The following RBFOX1 variants were observed in gnomAD, a reference collection of about 807,000 sequenced individuals.
RBFOX1 encodes the protein RNA binding protein fox-1 homolog 1.
RBFOX1 carries 8 observed loss-of-function variants against 57.7 expected under a neutral mutation model. The ratio of observed to expected loss-of-function variants is 0.14; its 90% CI spans 0.08 to 0.25. RBFOX1 has a LOEUF of 0.25. Among genes scored for constraint, RBFOX1 ranks in the 10% least tolerant of loss-of-function variants. RBFOX1 has a pLI of 1.00. For missense variants in RBFOX1, 611 were observed against 548.5 expected, an observed-to-expected ratio of 1.11 and a Z score of -1.14; for synonymous variants, 326 against 222.4, an observed-to-expected ratio of 1.47 and a Z score of -4.15.
At chr16:6,017,685 T>C (rs1199964021), upstream of RBFOX1, among the ~76,000 whole-genome samples, 1 of 152,196 alleles carries the variant, frequency 6.6e-6, no homozygotes, top group Non-Finnish European at 1.5e-5. Context: ...TTGCGTGCTT[T>C]AAAAAGTAAT....
chr16:5,308,597 A>G (rs2063999840), intron 1 of RBFOX1, among the ~76,000 whole-genome samples: 1 of 152,274 alleles, frequency 6.6e-6, no homozygotes, highest in East Asian at 1.9e-4. Flanking sequence ...TATTTTGACT[A>G]TATTTAGTAA....
At chr16:6,898,434 G>A (rs1198068656) in intron 3 of RBFOX1, among the ~76,000 whole-genome samples, 1 of 152,166 alleles carries the variant, frequency 6.6e-6, no homozygotes, top group Non-Finnish European at 1.5e-5. Context: ...GGCTGTGGTA[G>A]TAAGCATTTG....
intron 3 of RBFOX1, among the ~76,000 whole-genome samples, chr16:7,034,991 G>A (rs1381161439): frequency 6.6e-6 from 1 of 150,484 alleles, no homozygotes; most frequent in Non-Finnish European, 1.5e-5. Flanking sequence ...GGGCCTACAG[G>A]TGCCCACCAC....
intron 4 of RBFOX1, among the ~76,000 whole-genome samples, chr16:7,402,073 T>G (rs2098253407): frequency 6.6e-6 from 1 of 152,212 alleles, no homozygotes; most frequent in African/African-American, 2.4e-5. Flanking sequence ...GTCATGTTCC[T>G]CAGAGTCAGA....
chr16:5,740,755 C>T (rs1348032531), intron 3 of RBFOX1, among the ~76,000 whole-genome samples: 7 of 152,284 alleles, frequency 4.6e-5, no homozygotes, highest in African/African-American at 1.7e-4. Context: ...CTCTAATCCA[C>T]ATGCTTTCAA....
chr16:6,790,053 A>G (rs546596383), intron 3 of RBFOX1, among the ~76,000 whole-genome samples: 1 of 148,904 alleles, frequency 6.7e-6, no homozygotes, highest in African/African-American at 2.4e-5. Context: ...AATTTTTGAG[A>G]TGGAGATTTA....
chr16:6,459,292 C>T (rs754910623), intron 2 of RBFOX1, among the ~76,000 whole-genome samples: 8 of 152,120 alleles, frequency 5.3e-5, no homozygotes, highest in Non-Finnish European at 1.0e-4. Context: ...GCCGAGATGG[C>T]GCCACTGCAC....
chr16:6,442,108 T>C (rs1218058294), intron 2 of RBFOX1, among the ~76,000 whole-genome samples: 1 of 152,136 alleles, frequency 6.6e-6, no homozygotes, highest in African/African-American at 2.4e-5. Flanking sequence ...TGCCGGGTGA[T>C]AGAAAGGGTC....
chr16:6,231,208 G>A (rs1417200361), intron 1 of RBFOX1, among the ~76,000 whole-genome samples: 2 of 119,238 alleles, frequency 1.7e-5, no homozygotes, highest in Admixed American at 9.4e-5. Flanking sequence ...GTGTGTGTGT[G>A]TATGTGTTTG....
chr16:5,372,716 G>C (rs1218928208), intron 1 of RBFOX1, among the ~76,000 whole-genome samples: 3 of 152,148 alleles, frequency 2.0e-5, no homozygotes, highest in East Asian at 3.9e-4. Context: ...ATATCTATGT[G>C]GTTGGTTTCC....
intron 4 of RBFOX1, among the ~76,000 whole-genome samples, chr16:7,414,588 T>A (rs2098461210): frequency 6.6e-6 from 1 of 152,168 alleles, no homozygotes; most frequent in South Asian, 2.1e-4. Context: ...CCAAACACAA[T>A]GTTTTTCAAA....
At chr16:5,857,316 C>G (rs572965221) in intron 3 of RBFOX1, among the ~76,000 whole-genome samples, 3 of 152,058 alleles carry the variant, frequency 2.0e-5, no homozygotes, top group Non-Finnish European at 4.4e-5. Flanking sequence ...TCACTGATCA[C>G]AGATAACTGT....
At chr16:7,146,651 G>A (rs142126126) in intron 4 of RBFOX1, among the ~76,000 whole-genome samples, 19 of 152,104 alleles carry the variant, frequency 1.2e-4, no homozygotes, top group African/African-American at 3.6e-4. Flanking sequence ...AGCAGATAAC[G>A]TAAAAATAAC....
At position 6,889,204 on chromosome 16, in the gene RBFOX1, C is replaced by T. The variant is rs544216300; in HGVS notation, c.-15-162853C>T. 8.5e-5 allele frequency among the ~76,000 whole-genome samples: 13 copies of T among 152,326 alleles called. No homozygotes were observed. In the South Asian group the frequency reaches 2.5e-3, roughly 29 times the overall value. On this transcript the variant is annotated intron_variant, in intron 3 of 15. Coordinates refer to ENST00000550418, the MANE Select transcript of RBFOX1 (RefSeq NM_018723.4). ...ATACTGAGTTCATTGTGAGCCACCC[C>T]TGTCTTTGAGCCTTTCCATGAAAGT...
intron 3 of RBFOX1, among the ~76,000 whole-genome samples, chr16:6,745,794 C>T (rs1184824527): frequency 6.6e-6 from 1 of 151,898 alleles, no homozygotes; most frequent in Admixed American, 6.6e-5. Context: ...TGATAATGAG[C>T]AAGAAAAGGA....
chr16:6,942,166 G>A (rs548223492), intron 3 of RBFOX1, among the ~76,000 whole-genome samples: 3 of 152,238 alleles, frequency 2.0e-5, no homozygotes, highest in Non-Finnish European at 4.4e-5. Context: ...TTGAACTTGG[G>A]AGATGGAGGT....
intron 2 of RBFOX1, among the ~76,000 whole-genome samples, chr16:5,498,341 A>T (rs138685238): frequency 2.3e-4 from 35 of 152,242 alleles, no homozygotes; most frequent in Non-Finnish European, 4.0e-4. Flanking sequence ...ACAGGGTTTC[A>T]CCATGTTGGC....
intron 4 of RBFOX1, among the ~76,000 whole-genome samples, chr16:5,969,298 C>CTTTTTTTTTTT (rs71142659): frequency 9.7e-4 from 81 of 83,760 alleles, no homozygotes; most frequent in Admixed American, 1.5e-3. Context: ...TTCGGTTGTT[C>CTTTTTTTTTTT]TTTTTTTTTT....
intron 1 of RBFOX1, among the ~76,000 whole-genome samples, chr16:6,158,559 C>G (rs1033272847): frequency 7.2e-5 from 11 of 152,152 alleles, no homozygotes; most frequent in African/African-American, 2.7e-4. Context: ...CCGTAATGTT[C>G]TAGCAAATGG....
Sources: allele counts gnomAD v4.1 joint callset (sites outside exome capture counted in the v4.1 genomes callset), GRCh38; gene constraint gnomAD v4.1.1; transcripts MANE v1.5; gene names NCBI Gene and HGNC (gene_info 2026-07-23, HGNC 2026-07-21).